ATAD2B: variants seen among roughly 807,000 people sequenced by gnomAD.
The protein encoded by ATAD2B is ATPase family AAA domain-containing protein 2B.
In ATAD2B, 40 loss-of-function variants were observed where a neutral mutation model predicts 167.6. The ratio of observed to expected loss-of-function variants is 0.24; its 90% CI spans 0.19 to 0.31. The LOEUF is 0.31. Ranked by LOEUF, ATAD2B falls within the 10% of genes least tolerant of loss-of-function variation. The pLI, the probability that ATAD2B is intolerant of heterozygous loss-of-function variation, is 1.00. For synonymous variants in ATAD2B, 579 were observed against 596.5 expected, an observed-to-expected ratio of 0.97 and a Z score of 0.43; for missense variants, 1,242 against 1,757.2, an observed-to-expected ratio of 0.71 and a Z score of 5.24.
Position 23,862,757 on chromosome 2 carries a change from T to C in ATAD2B, c.1479+624A>G, listed in dbSNP as rs997335627. Among the ~76,000 whole-genome samples, 4 of 151,802 alleles carry C rather than the reference T, an allele frequency of 2.6e-5. No individual in the cohort carries two copies. The South Asian group carries it at 8.3e-4, about 31-fold the overall frequency. On this transcript the variant is annotated intron_variant, in intron 12 of 27. Coordinates refer to ENST00000238789, the MANE Select transcript of ATAD2B (RefSeq NM_017552.4). Reference sequence around the variant, plus strand: ...GAAAATAACACACTACTTTGTGAGATTTCTTGCACAGATACTTAAGTTTTT... The same window carrying C: ...GAAAATAACACACTACTTTGTGAGACTTCTTGCACAGATACTTAAGTTTTT...
chr2:23,696,815 G>A, the ATAD2B span: 1 of 314,202 alleles, frequency 3.2e-6, no homozygotes, highest in South Asian at 4.2e-5. The surrounding 1 kb of genome is among the most constrained non-coding windows in gnomAD (Gnocchi z 5.5). Flanking sequence ...AGTTGCAGAA[G>A]GCCTGGGATG....
At chr2:23,761,673 T>C (rs1276009513) in intron 24 of ATAD2B, among the ~76,000 whole-genome samples, 4 of 152,226 alleles carry the variant, frequency 2.6e-5, no homozygotes, top group Non-Finnish European at 5.9e-5. Context: ...GGAAATGTTA[T>C]AGATCAACAT....
chr2:23,883,086 C>A (rs1400262541), intron 6 of ATAD2B, among the ~76,000 whole-genome samples: 2 of 151,698 alleles, frequency 1.3e-5, no homozygotes, highest in East Asian at 3.9e-4. Context: ...CCAGCCTGGG[C>A]AACAAACATA....
At chr2:23,899,087 G>A (rs35598160) in intron 1 of ATAD2B, among the ~76,000 whole-genome samples, 61,735 of 151,890 alleles carry the variant, frequency 0.41, 13,654 homozygotes, top group East Asian at 0.77. Context: ...GGCGGAGGTT[G>A]CAGTGAGCTG....
In ATAD2B at chr2:23,757,519, C is replaced by T; in HGVS notation, c.3977G>A (p.Gly1326Glu). ...EKPETSTENH[G>E]DDLEKLEALE... The stretch of plus-strand genomic sequence containing the variant: ...TGCCTCTAGTTTCTCAAGATCATCT[C>T]CATGATTTTCAGTCGAAGTTTCTGG... Residue 1326 changes from glycine (G) to glutamate (E), a missense_variant, in exon 25 of 28, where the codon GGA (glycine) becomes GAA (glutamate). Physicochemically the swap from Gly to Glu is moderately conservative, Grantham distance 98. Transcript: ENST00000238789. 6.3e-7 allele frequency: 1 copy of T among 1,587,130 alleles called. No homozygotes were observed. The highest frequency in any genetic ancestry group is 8.5e-7 in the Non-Finnish European group (1 of 1,170,002).
intron 26 of ATAD2B, 60 bp downstream of exon 26, chr2:23,754,585 TAC>T: frequency 6.3e-7 from 1 of 1,579,354 alleles, no homozygotes; most frequent in African/African-American, 1.4e-5. Flanking sequence ...CTCAACTGCC[TAC>T]AAACACATTC....
chr2:23,710,450 C>T, the ATAD2B span, among the ~76,000 whole-genome samples: 5 of 152,166 alleles, frequency 3.3e-5, no homozygotes, highest in African/African-American at 1.2e-4. Flanking sequence ...CATGAGGAGC[C>T]GTGAACCCCG....
the ATAD2B span, among the ~76,000 whole-genome samples, chr2:23,701,194 C>CTCA: frequency 6.6e-5 from 10 of 151,910 alleles, 1 homozygote; most frequent in Admixed American, 6.6e-4. Context: ...TGGCAACTAT[C>CTCA]TCAATGAGCA....
chr2:23,916,233 T>C (rs1703024932), intron 1 of ATAD2B, among the ~76,000 whole-genome samples: 1 of 152,210 alleles, frequency 6.6e-6, no homozygotes, highest in Non-Finnish European at 1.5e-5. Flanking sequence ...TTCATTATCT[T>C]GTCAAGGGTC....
rs541053674 is a variant in ATAD2B, at chr2:23,754,080, A to G, written c.4335+99T>C. On this transcript the variant is annotated intron_variant, in intron 27 of 27. Transcript: ENST00000238789. Reference sequence around the variant, plus strand: ...TCAAAACATTCTTCAGCTACTTGGTAAAAGACATAGATGTAGGCAAAATAA... The same window carrying G: ...TCAAAACATTCTTCAGCTACTTGGTGAAAGACATAGATGTAGGCAAAATAA... 9 of 958,790 alleles carry G rather than the reference A, an allele frequency of 9.4e-6. No homozygotes were observed. The African/African-American group carries it at 1.4e-4, about 15-fold the overall frequency. The allele number at this position is 958,790 out of a possible 1,614,324, so 59.4% of individuals were successfully genotyped here. A position where few individuals can be genotyped will look rare whatever the true frequency, so the allele number is the denominator to read the frequency against.
At chr2:23,712,871 G>A in the ATAD2B span, among the ~76,000 whole-genome samples, 15 of 152,148 alleles carry the variant, frequency 9.9e-5, no homozygotes, top group Non-Finnish European at 2.1e-4. Flanking sequence ...GGTCATTTGG[G>A]TGTGTTTCCT....
At chr2:23,753,458 T>C (rs1262965714) in intron 27 of ATAD2B, among the ~76,000 whole-genome samples, 4 of 151,606 alleles carry the variant, frequency 2.6e-5, no homozygotes, top group African/African-American at 9.7e-5. Context: ...ACAAAGGGAG[T>C]TGAATTAAGT....
intron 12 of ATAD2B, 92 bp downstream of exon 12, chr2:23,863,289 G>C (rs1694691930): frequency 7.9e-7 from 1 of 1,271,992 alleles, no homozygotes; most frequent in East Asian, 2.5e-5. Flanking sequence ...CTCCAGCCTG[G>C]GTAACAGAGA....
the ATAD2B span, chr2:23,691,385 C>T: frequency 4.3e-6 from 2 of 464,418 alleles, no homozygotes; most frequent in Non-Finnish European, 7.9e-6. Context: ...TGAGGCCAGT[C>T]CTGGTCCTCG....
chr2:23,900,176 A>G (rs918885253), intron 1 of ATAD2B, among the ~76,000 whole-genome samples: 1 of 151,960 alleles, frequency 6.6e-6, no homozygotes, highest in Non-Finnish European at 1.5e-5. Context: ...TCGGCCTCCG[A>G]AAGTGCTGGG....
Position 23,757,842 on chromosome 2 carries a change from C to A in ATAD2B, c.3654G>T (p.Gly1218=). The A allele has an allele frequency of 1.3e-6, 2 of 1,580,804 alleles. No individual in the cohort carries two copies. The highest frequency in any genetic ancestry group is 1.7e-6 in the Non-Finnish European group (2 of 1,168,724). Residue 1218 remains glycine (G), a synonymous_variant, in exon 25 of 28, where the codon GGG becomes GGT. Coordinates refer to ENST00000238789, the MANE Select transcript of ATAD2B (RefSeq NM_017552.4). Reference sequence around the variant, plus strand: ...TGCCTGCTCCATTGTTAAGCCTCTGCCCCTGGTCCAAGTCCATGATGTCAC... The same window carrying A: ...TGCCTGCTCCATTGTTAAGCCTCTGACCCTGGTCCAAGTCCATGATGTCAC... ...SSCDIMDLDQ[G]QRLNNGAGTK... is the part of the protein sequence containing the mutation.
At chr2:23,733,723 C>A in the ATAD2B span, among the ~76,000 whole-genome samples, 2 of 152,180 alleles carry the variant, frequency 1.3e-5, no homozygotes, top group Non-Finnish European at 2.9e-5. Flanking sequence ...TTACCCTCAT[C>A]CCCAACATCC....
At chr2:23,683,180 T>G in the ATAD2B span, among the ~76,000 whole-genome samples, 8 of 152,212 alleles carry the variant, frequency 5.3e-5, no homozygotes. Context: ...CTGGCCCATG[T>G]GGACAGCAAC....
At chr2:23,877,481 A>G (rs1438753036) in intron 7 of ATAD2B, among the ~76,000 whole-genome samples, 13 of 117,674 alleles carry the variant, frequency 1.1e-4, no homozygotes, top group Non-Finnish European at 2.3e-4. Flanking sequence ...GTGACAGAGC[A>G]AGAAGGAAGG....
Sources: gnomAD v4.1 joint callset for allele counts (sites outside exome capture counted in the v4.1 genomes callset) on GRCh38, gnomAD v4.1.1 for gene constraint, Gnocchi (gnomAD v3.1) non-coding constraint, MANE v1.5 for transcripts, NCBI Gene and HGNC (gene_info 2026-07-23, HGNC 2026-07-21) for gene names.